Variants in EGFR observed in about 807,000 individuals in gnomAD.
The protein encoded by EGFR is avian erythroblastic leukemia viral (v-erb-b) oncogene homolog.
In EGFR, 58 loss-of-function variants were observed where a neutral mutation model predicts 143.0. The ratio of observed to expected loss-of-function variants is 0.41; its 90% CI spans 0.33 to 0.50. The LOEUF is 0.50. Ranked by LOEUF, EGFR falls within the 20% of genes least tolerant of loss-of-function variation. The pLI, the probability that EGFR is intolerant of heterozygous loss-of-function variation, is 0.39. For missense variants in EGFR, 1,307 were observed against 1,579.0 expected (o/e 0.83, Z 2.92); for synonymous variants, 613 against 594.4 (o/e 1.03, Z -0.45).
chr7:55,066,139 C>T (rs1583953162), intron 1 of EGFR, among the ~76,000 whole-genome samples: 1 of 152,178 alleles, frequency 6.6e-6, no homozygotes, highest in South Asian at 2.1e-4. Flanking sequence ...TCCCCTCTTG[C>T]GTCCTTTCCT....
intron 1 of EGFR, among the ~76,000 whole-genome samples, chr7:55,114,887 T>C (rs1792738351): frequency 6.8e-6 from 1 of 147,750 alleles, no homozygotes; most frequent in East Asian, 1.9e-4. Context: ...TTCTTTTTTT[T>C]TTTTTTTTTT....
At chr7:55,116,776 G>C (rs528094625) in intron 1 of EGFR, among the ~76,000 whole-genome samples, 1 of 152,302 alleles carries the variant, frequency 6.6e-6, no homozygotes, top group East Asian at 1.9e-4. Flanking sequence ...CTTTGGGTCA[G>C]GTTCTTTCAC....
chr7:55,205,377 T>A lies in EGFR; in HGVS notation c.3393T>A (p.Thr1131=), dbSNP rs768310160. The A allele has an allele frequency of 6.2e-7, 1 of 1,613,768 alleles. No homozygotes were observed. The highest frequency in any genetic ancestry group is 1.1e-5 in the South Asian group (1 of 91,026). ...RDPHYQDPHS[T]AVGNPEYLNT... ...CACACTACCAGGACCCCCACAGCAC[T>A]GCAGTGGGCAACCCCGAGTATCTCA... is the stretch of plus-strand genomic sequence containing the variant. Residue 1131 remains threonine (T), a synonymous_variant, in exon 28 of 28, where the codon ACT becomes ACA. Transcript: ENST00000275493.
At chr7:55,034,148 G>A (rs1270961823) in intron 1 of EGFR, among the ~76,000 whole-genome samples, 2 of 152,144 alleles carry the variant, frequency 1.3e-5, no homozygotes, top group Non-Finnish European at 2.9e-5. Flanking sequence ...GGAGCACTTG[G>A]CCCTTTCGGC....
intron 19 of EGFR, among the ~76,000 whole-genome samples, chr7:55,177,339 C>T (rs1786643514): frequency 6.6e-6 from 1 of 152,176 alleles, no homozygotes; most frequent in Non-Finnish European, 1.5e-5. Context: ...TTAAATAGCA[C>T]CTTAATCCTG....
chr7:55,165,465 C>T (rs1196062249), intron 15 of EGFR, 28 bp downstream of exon 15: 3 of 1,579,708 alleles, frequency 1.9e-6, no homozygotes, highest in Non-Finnish European at 2.6e-6. Context: ...GAGAACAGAA[C>T]ATTTCCTCTC....
intron 1 of EGFR, among the ~76,000 whole-genome samples, chr7:55,128,031 C>T (rs1444291477): frequency 6.6e-6 from 1 of 152,184 alleles, no homozygotes; most frequent in African/African-American, 2.4e-5. Context: ...ACAAAGGCTT[C>T]CCATCCTCCT....
intron 13 of EGFR, among the ~76,000 whole-genome samples, chr7:55,162,520 G>A (rs1354672283): frequency 6.6e-6 from 1 of 152,236 alleles, no homozygotes; most frequent in Non-Finnish European, 1.5e-5. Context: ...GAATATTGAT[G>A]CAATCCTTAC....
intron 22 of EGFR, among the ~76,000 whole-genome samples, chr7:55,198,247 G>A (rs2472520): frequency 6.6e-6 from 1 of 152,068 alleles, no homozygotes; most frequent in African/African-American, 2.4e-5. Flanking sequence ...TGGAACTTAA[G>A]CTTTTTCATT....
intron 22 of EGFR, among the ~76,000 whole-genome samples, chr7:55,193,830 A>G (rs1787504098): frequency 6.6e-6 from 1 of 152,174 alleles, no homozygotes. Flanking sequence ...TTTTTCCTAT[A>G]GCATTATTAA....
At chr7:55,161,270 GTCAGGCACATT>G (rs1385199323) in intron 12 of EGFR, among the ~76,000 whole-genome samples, 1 of 152,240 alleles carries the variant, frequency 6.6e-6, no homozygotes, top group Non-Finnish European at 1.5e-5. Context: ...GTCCTCCACT[GTCAGGCACATT>G]TCAGTCTTCC....
intron 1 of EGFR, among the ~76,000 whole-genome samples, chr7:55,124,018 T>C (rs1584099403): frequency 6.6e-6 from 1 of 152,322 alleles, no homozygotes; most frequent in Middle Eastern, 3.4e-3. Flanking sequence ...AATGTACATG[T>C]GTGCTTGGTG....
chr7:55,037,344 C>A (rs532087942), intron 1 of EGFR, among the ~76,000 whole-genome samples: 26 of 152,274 alleles, frequency 1.7e-4, no homozygotes, highest in African/African-American at 6.0e-4. Context: ...ATCCAGATCC[C>A]CATTCTTTCC....
At chr7:55,103,590 G>C (rs905937533) in intron 1 of EGFR, among the ~76,000 whole-genome samples, 7 of 152,226 alleles carry the variant, frequency 4.6e-5, no homozygotes, top group Non-Finnish European at 1.0e-4. Context: ...CTACAGAAGG[G>C]TAATGCTTAG....
chr7:55,117,804 T>C (rs1281202633), intron 1 of EGFR, among the ~76,000 whole-genome samples: 8 of 152,154 alleles, frequency 5.3e-5, no homozygotes, highest in African/African-American at 1.4e-4. Flanking sequence ...CGGAAAAGCA[T>C]TGGTAAAGTG....
intron 8 of EGFR, 36 bp downstream of exon 8, chr7:55,155,982 C>A: frequency 6.6e-7 from 1 of 1,522,638 alleles, no homozygotes; most frequent in Non-Finnish European, 9.1e-7. Flanking sequence ...GAGGCTTGTT[C>A]TCGGCTGCTG....
chr7:55,136,464 G>A (rs953171790), intron 1 of EGFR, among the ~76,000 whole-genome samples: 1 of 152,144 alleles, frequency 6.6e-6, no homozygotes, highest in African/African-American at 2.4e-5. Context: ...CAAGACTTTG[G>A]TCACATGGCC....
chr7:55,110,552 C>T (rs554831986), intron 1 of EGFR, among the ~76,000 whole-genome samples: 20 of 152,272 alleles, frequency 1.3e-4, no homozygotes, highest in South Asian at 2.1e-4. Context: ...AAATGTCTTA[C>T]GATCATTAAA....
chr7:55,067,882 GTGTGTGTACA>G (rs1789598381), intron 1 of EGFR, among the ~76,000 whole-genome samples: 3 of 151,054 alleles, frequency 2.0e-5, no homozygotes, highest in Admixed American at 2.0e-4. Context: ...CTGTGTATAC[GTGTGTGTACA>G]TGTGTGTACG....
Sources: gnomAD v4.1 joint callset for allele counts (sites outside exome capture counted in the v4.1 genomes callset) on GRCh38, gnomAD v4.1.1 for gene constraint, MANE v1.5 for transcripts, NCBI Gene and HGNC (gene_info 2026-07-23, HGNC 2026-07-21) for gene names.